USP36: variants seen among roughly 807,000 people sequenced by gnomAD.
USP36 encodes the protein ubiquitin carboxyl-terminal hydrolase 36.
USP36 carries 59 observed loss-of-function variants against 111.5 expected under a neutral mutation model. The observed-to-expected ratio is 0.53, with a 90% CI of 0.43 to 0.66. The LOEUF is 0.66. Ranked by LOEUF, USP36 falls within the 30% of genes least tolerant of loss-of-function variation. USP36 has a pLI of 0.00. For missense variants in USP36, 1,488 were observed against 1,468.0 expected (o/e 1.01, Z -0.22); for synonymous variants, 628 against 581.0 (o/e 1.08, Z -1.16).
intron 17 of USP36, among the ~76,000 whole-genome samples, chr17:78,799,993 T>G (rs1169493065): frequency 6.7e-6 from 1 of 148,596 alleles, no homozygotes; most frequent in Non-Finnish European, 1.5e-5. Flanking sequence ...ATTACAGGCA[T>G]GAGCCATGGC....
At chr17:78,792,260 T>C (rs780036967), downstream of USP36, among the ~76,000 whole-genome samples, 6 of 151,902 alleles carry the variant, frequency 3.9e-5, no homozygotes, top group Admixed American at 6.6e-5. Context: ...TGCCTGAACA[T>C]GTTCCTAAGG....
rs201512075 is a variant in USP36 at position 78,838,386 on chromosome 17, AC to A, written c.-10+200del. On this transcript the variant is annotated intron_variant, in intron 2 of 20. Coordinates refer to ENST00000449938, the MANE Select transcript of USP36 (RefSeq NM_001385174.1). ...GACTTGGTCTCAAAAAAAAAAAAAA[AC>A]AAAAAACAAAAAACTTCTGTAAAGA... Among the ~76,000 whole-genome samples, 63 of 149,126 alleles carry A rather than the reference AC, an allele frequency of 4.2e-4. 2 individuals are homozygous for A. Among genetic ancestry groups the A allele is most frequent in the East Asian group, 7.8e-4 (4 of 5,158 alleles).
chr17:78,833,451 G>C (rs1331256613), intron 4 of USP36, among the ~76,000 whole-genome samples: 1 of 151,830 alleles, frequency 6.6e-6, no homozygotes, highest in East Asian at 1.9e-4. Flanking sequence ...CCAGCCAGTA[G>C]CAGTCACTTC....
In USP36 at chr17:78,798,840, GC is replaced by G. The variant is rs1226043550; in HGVS notation, c.3240+67del. 1.5e-5 allele frequency: 23 copies of G among 1,572,848 alleles called. No homozygotes were observed. The highest frequency in any genetic ancestry group is 1.9e-5 in the Non-Finnish European group (22 of 1,147,030). ...CATGCCACTGCCGCCACCTCCAACT[GC>G]CCCGGCTCTGAGCTGAGCCACGCCG... On this transcript the variant is annotated intron_variant, in intron 19 of 20. Transcript: ENST00000449938. This position sits in a 1 kb window ranked among gnomAD's most constrained non-coding sequence, Gnocchi z 5.1.
In USP36 at chr17:78,812,866, A is replaced by G. The variant is rs1394110049; in HGVS notation, c.1401T>C (p.Thr467=). The G allele has an allele frequency of 6.2e-7, 1 of 1,613,340 alleles. No individual in the cohort carries two copies. The highest frequency in any genetic ancestry group is 8.5e-7 in the Non-Finnish European group (1 of 1,179,938). Residue 467 remains threonine (T), a synonymous_variant, in exon 13 of 21, where the codon ACT becomes ACC. Coordinates refer to ENST00000449938, the MANE Select transcript of USP36 (RefSeq NM_001385174.1). ...CCATCATTCTCACAAATACCTTTCC[A>G]GTCAGTGGGGAGGAAATAATCCCAT... ...IGNGIISSPL[T]GKRQDSGTMK... is the part of the protein sequence containing the mutation.
chr17:78,802,349 A>C lies in USP36; in HGVS notation c.2997T>G (p.Asn999Lys), dbSNP rs773950948. ...CCATGCGGTCCCCAGGACACCAGCC[A>C]TTCGCGGATGGTGCGCAGCTGCTGG... ...PESSSCAPSA[N>K]GWCPGDRMGL... The change falls in exon 17 of 21, where the codon AAT (asparagine) becomes AAG (lysine). Residue 999 changes from asparagine to lysine, a missense_variant. This residue lies in a region of USP36 where 1,073 missense variants were observed against 994.1 expected (regional missense o/e 1.08). Transcript: ENST00000449938. 3.8e-6 allele frequency: 6 copies of C among 1,566,528 alleles called. No individual in the cohort carries two copies. The Admixed American group carries it at 1.1e-4, about 28-fold the overall frequency.
intron 15 of USP36, among the ~76,000 whole-genome samples, chr17:78,805,563 C>G (rs1177379295): frequency 2.0e-5 from 3 of 152,196 alleles, no homozygotes; most frequent in Admixed American, 6.5e-5. Flanking sequence ...GGCTTCCAGA[C>G]AGCCATTTAC....
intron 13 of USP36, among the ~76,000 whole-genome samples, chr17:78,810,180 G>A (rs909586167): frequency 2.7e-5 from 4 of 150,568 alleles, no homozygotes; most frequent in Non-Finnish European, 4.4e-5. Context: ...ATTCACCAGC[G>A]TGATCATGGC....
rs145436112 is a variant in USP36 at position 78,797,274 on chromosome 17, G to T, written c.*626C>A. 2.6e-5 allele frequency: 4 copies of T among 152,224 alleles called. No individual in the cohort carries two copies. The highest frequency in any genetic ancestry group is 2.6e-4 in the Admixed American group (4 of 15,272). 9.4% of individuals were successfully genotyped at this position (152,224 alleles called of 1,614,324 possible). A position where few individuals can be genotyped will look rare whatever the true frequency, so the allele number is the denominator to read the frequency against. On this transcript the variant is annotated 3_prime_UTR_variant, in exon 21 of 21. Coordinates refer to ENST00000449938, the MANE Select transcript of USP36 (RefSeq NM_001385174.1). The stretch of plus-strand genomic sequence containing the variant: ...ACCCCAAATAGCCTCTGCTCTCCAG[G>T]ACAGTTGAGAGCTACTCACAAGGAA...
At chr17:78,829,068 GC>G in intron 4 of USP36, 61 bp from the exon 5 acceptor site, 1 of 1,443,828 alleles carries the variant, frequency 6.9e-7, no homozygotes, top group Non-Finnish European at 9.5e-7. Context: ...TCACGGTGAG[GC>G]CCCCACCCCA....
At position 78,803,469 on chromosome 17, in the gene USP36, T is replaced by C; in HGVS notation, c.2726A>G (p.His909Arg). 6.2e-7 allele frequency: 1 copy of C among 1,614,076 alleles called. No individual in the cohort carries two copies. The highest frequency in any genetic ancestry group is 1.3e-5 in the African/African-American group (1 of 75,022). The change falls in exon 16 of 21, where the codon CAC (histidine) becomes CGC (arginine). Residue 909 changes from histidine to arginine, a missense_variant. Transcript: ENST00000449938. This position sits in a 1 kb window ranked among gnomAD's most constrained non-coding sequence, Gnocchi z 4.6. ...CCTCCTCCGCTTCCTGCTGCTCGCG[T>C]GGTGGCCGTCCGTAACACATCCCAC... ...QQVGCVTDGHHASSRKRRRKG... is the reference protein window; with the variant it reads ...QQVGCVTDGHRASSRKRRRKG...
At chr17:78,831,352 C>A (rs912697605) in intron 4 of USP36, among the ~76,000 whole-genome samples, 1 of 151,612 alleles carries the variant, frequency 6.6e-6, no homozygotes. Context: ...GGGGCCCACA[C>A]CTGTAATTTC....
chr17:78,813,630 T>C (rs62075624), intron 12 of USP36, 143 bp downstream of exon 12: 25,136 of 700,774 alleles, frequency 0.036, 558 homozygotes, highest in Non-Finnish European at 0.046. Flanking sequence ...TGTCCTTCCC[T>C]GTGGACGGTC....
chr17:78,821,414 A>ATTTTTTT (rs2094324715), intron 7 of USP36: 1 of 53,074 alleles, frequency 1.9e-5, no homozygotes, highest in African/African-American at 9.2e-5. Flanking sequence ...ATATATATAT[A>ATTTTTTT]TATATATTTT....
chr17:78,813,054 CG>C (rs1256737600), intron 12 of USP36, 53 bp from the exon 13 acceptor site: 2 of 1,607,578 alleles, frequency 1.2e-6, no homozygotes, highest in African/African-American at 1.3e-5. Flanking sequence ...ATTACAGAAA[CG>C]GAGAGAATTA....
chr17:78,821,667 A>G (rs956526321), intron 7 of USP36, among the ~76,000 whole-genome samples: 1 of 151,712 alleles, frequency 6.6e-6, no homozygotes, highest in Non-Finnish European at 1.5e-5. Flanking sequence ...CGAACTCCTG[A>G]CCTCAGGTGA....
At chr17:78,812,271 T>C (rs867515140) in intron 13 of USP36, among the ~76,000 whole-genome samples, 3 of 152,288 alleles carry the variant, frequency 2.0e-5, no homozygotes, top group Non-Finnish European at 4.4e-5. Context: ...TCACGACACC[T>C]GTAAGTGGTG....
At chr17:78,818,533 T>C in intron 10 of USP36, 134 bp downstream of exon 10, 1 of 754,240 alleles carries the variant, frequency 1.3e-6, no homozygotes, top group Admixed American at 2.4e-5. Flanking sequence ...TCACAATATG[T>C]GTAGAACCTT....
At chr17:78,830,159 T>C (rs2067955869) in intron 4 of USP36, among the ~76,000 whole-genome samples, 1 of 152,252 alleles carries the variant, frequency 6.6e-6, no homozygotes. Flanking sequence ...AAGTCACCAC[T>C]ATCCTGAATT....
Sources: allele counts gnomAD v4.1 joint callset (sites outside exome capture counted in the v4.1 genomes callset), GRCh38; gene constraint gnomAD v4.1.1; regional missense constraint gnomAD v4.1.1; non-coding constraint Gnocchi (gnomAD v3.1); transcripts MANE v1.5; gene names NCBI Gene and HGNC (gene_info 2026-07-23, HGNC 2026-07-21).